The following GNPDA2 variants were observed in gnomAD, a reference collection of about 807,000 sequenced individuals.
GNPDA2 encodes glcN6P deaminase 2.
GNPDA2 carries 24 observed loss-of-function variants against 27.0 expected under a neutral mutation model. That is an observed-to-expected ratio of 0.89 (90% CI 0.64 to 1.25). The LOEUF is 1.25. GNPDA2 is among the 50% of genes most tolerant of loss of function. The probability of loss-of-function intolerance (pLI) is 0.00; values close to 1 mark genes in which losing one functional copy is unlikely to be tolerated. For missense variants in GNPDA2, 286 were observed against 335.1 expected, an observed-to-expected ratio of 0.85 and a Z score of 1.14; for synonymous variants, 94 against 108.4, an observed-to-expected ratio of 0.87 and a Z score of 0.83.
intron 4 of GNPDA2, among the ~76,000 whole-genome samples, chr4:44,713,821 A>G (rs1717118279): frequency 6.6e-6 from 1 of 152,196 alleles, no homozygotes; most frequent in African/African-American, 2.4e-5. Flanking sequence ...TGGAGGTTGC[A>G]GTAAGCCAAG....
At chr4:44,705,891 A>G (rs1423286927) in intron 6 of GNPDA2, 1 of 151,986 alleles carries the variant, frequency 6.6e-6, no homozygotes, top group Non-Finnish European at 1.5e-5. Flanking sequence ...TAAGTAAATC[A>G]ATAAGTAAAA....
At chr4:44,717,048 T>C in intron 4 of GNPDA2, 65 bp downstream of exon 4, 1 of 1,188,868 alleles carries the variant, frequency 8.4e-7, no homozygotes, top group South Asian at 1.4e-5. Flanking sequence ...AGATTTATTT[T>C]TTAAATTTAA....
intron 2 of GNPDA2, among the ~76,000 whole-genome samples, chr4:44,720,851 C>T (rs1226898542): frequency 1.3e-5 from 2 of 152,000 alleles, no homozygotes; most frequent in African/African-American, 4.8e-5. Context: ...ATGTTTAGCA[C>T]TGCTGACATT....
At chr4:44,722,688 A>G (rs1717755464) in intron 1 of GNPDA2, among the ~76,000 whole-genome samples, 1 of 152,164 alleles carries the variant, frequency 6.6e-6, no homozygotes, top group Non-Finnish European at 1.5e-5. Context: ...ATATGGGAGT[A>G]TGGGTGCAGG....
At position 44,703,122 on chromosome 4, in the gene GNPDA2, T is replaced by C; in HGVS notation, c.790A>G (p.Lys264Glu). 1.3e-5 allele frequency: 21 copies of C among 1,611,766 alleles called. No individual in the cohort carries two copies. Among genetic ancestry groups the C allele is most frequent in the Non-Finnish European group, 1.8e-5 (21 of 1,178,982 alleles). ...ATACTGAATAGTGGATCCACAAGTT[T>C]ATTGTGCACATGCATTAGACCTTAA... ...YFKGLMHVHN[K>E]LVDPLFSMKD... Residue 264 changes from lysine to glutamate, a missense_variant, in exon 7 of 7, where the codon AAA (lysine) becomes GAA (glutamate). By Grantham distance (56) the Lys-to-Glu change is moderately conservative (BLOSUM62 1). Coordinates refer to ENST00000295448, the MANE Select transcript of GNPDA2 (RefSeq NM_138335.3).
intron 2 of GNPDA2, among the ~76,000 whole-genome samples, chr4:44,718,674 A>G (rs745376903): frequency 1.3e-5 from 2 of 151,934 alleles, no homozygotes; most frequent in Non-Finnish European, 2.9e-5. Context: ...GGGATATACT[A>G]TAACAAATTC....
At chr4:44,714,049 A>G (rs1411586483) in intron 4 of GNPDA2, among the ~76,000 whole-genome samples, 1 of 152,008 alleles carries the variant, frequency 6.6e-6, no homozygotes, top group Admixed American at 6.6e-5. Flanking sequence ...TCAGCTCACC[A>G]CAACCTCGGC....
intron 1 of GNPDA2, among the ~76,000 whole-genome samples, chr4:44,726,074 A>C (rs1717998261): frequency 6.6e-6 from 1 of 152,160 alleles, no homozygotes; most frequent in Non-Finnish European, 1.5e-5. Flanking sequence ...GAGAGACAGC[A>C]AAGAAGGCTG....
chr4:44,702,686 ATAGT>A lies in GNPDA2; in HGVS notation c.*391_*394del, dbSNP rs1716350922. 2 of 1,032,524 alleles carry A rather than the reference ATAGT, an allele frequency of 1.9e-6. No homozygotes were observed. The highest frequency in any genetic ancestry group is 1.2e-6 in the Non-Finnish European group (1 of 861,448). 64.0% of individuals were successfully genotyped at this position (1,032,524 alleles called of 1,614,324 possible). A position where few individuals can be genotyped will look rare whatever the true frequency, so the allele number is the denominator to read the frequency against. On this transcript the variant is annotated 3_prime_UTR_variant, in exon 7 of 7. Transcript: ENST00000295448. ...ATTCCAAAAGTGAAGGTCTGCAATG[ATAGT>A]TTGTTATCTGAAAGGTTTGGAGTGT...
rs768873371 is a variant in GNPDA2, at chr4:44,717,096, A to C, written c.409+17T>G. 4.5e-6 allele frequency: 7 copies of C among 1,566,022 alleles called. No individual in the cohort carries two copies. In the Admixed American group the frequency reaches 5.4e-5, roughly 12 times the overall value. ...CAAACACTAACAAACAGTTAATGAC[A>C]AAAGGTTTTTACATACCTCCAACAA... is the stretch of plus-strand genomic sequence containing the variant. On this transcript the variant is annotated intron_variant, in intron 4 of 6. Transcript: ENST00000295448.
Position 44,702,847 on chromosome 4 carries a change from A to G in GNPDA2, c.*234T>C. 7.4e-7 allele frequency: 1 copy of G among 1,347,412 alleles called. No individual in the cohort carries two copies. The highest frequency in any genetic ancestry group is 9.5e-7 in the Non-Finnish European group (1 of 1,055,980). The allele number at this position is 1,347,412 out of a possible 1,614,324, so 83.5% of individuals were successfully genotyped here. A position where few individuals can be genotyped will look rare whatever the true frequency, so the allele number is the denominator to read the frequency against. On this transcript the variant is annotated 3_prime_UTR_variant, in exon 7 of 7. Transcript: ENST00000295448. ...ATGCTGTTTTATAGGTGGCTATGTG[A>G]CTTCAGTACTTTATAATAAATAGCC...
rs749306588 is a variant in GNPDA2, at chr4:44,718,391, G to C, written c.144C>G (p.Cys48Trp). 3.7e-6 allele frequency: 5 copies of C among 1,333,800 alleles called. No homozygotes were observed. The East Asian group carries it at 1.3e-4, about 33-fold the overall frequency. The allele number at this position is 1,333,800 out of a possible 1,614,324, so 82.6% of individuals were successfully genotyped here. ...TATGATATTCTATTAGTTTTTTATA[G>C]CATCCTAAAGGTGTACTCCCTAAAA... ...GLPTGSTPLG[C>W]YKKLIEYHKN... The change falls in exon 3 of 7, where the codon TGC becomes TGG. Residue 48 changes from cysteine to tryptophan, a missense_variant. Physicochemically the swap from Cys to Trp is radical, Grantham distance 215. Transcript: ENST00000295448.
At position 44,709,800 on chromosome 4, in the gene GNPDA2, C is replaced by CAA. The variant is rs36001584; in HGVS notation, c.594+1151_594+1152dup. Among the ~76,000 whole-genome samples the CAA allele has an allele frequency of 8.7e-3, 1,258 of 145,406 alleles. 16 individuals are homozygous for CAA. The highest frequency in any genetic ancestry group is 0.029 in the African/African-American group (1,128 of 38,980). On this transcript the variant is annotated intron_variant, in intron 5 of 6. Coordinates refer to ENST00000295448, the MANE Select transcript of GNPDA2 (RefSeq NM_138335.3). The stretch of plus-strand genomic sequence containing the variant: ...CAACACAGTGAGACCTTGTCACTTC[C>CAA]AAAAAAAAAAAAATGAAAAATTGAA...
At chr4:44,722,881 C>T (rs917926156) in intron 1 of GNPDA2, among the ~76,000 whole-genome samples, 5 of 152,082 alleles carry the variant, frequency 3.3e-5, no homozygotes, top group Non-Finnish European at 7.4e-5. Flanking sequence ...AATGGACTCA[C>T]ATAATTTGAC....
chr4:44,718,269 C>A, intron 3 of GNPDA2, 40 bp downstream of exon 3: 1 of 769,834 alleles, frequency 1.3e-6, no homozygotes, highest in African/African-American at 1.8e-5. Context: ...CCAAATATAA[C>A]ATACCCAAAT....
intron 4 of GNPDA2, among the ~76,000 whole-genome samples, chr4:44,711,905 C>G (rs915996645): frequency 6.6e-6 from 1 of 151,110 alleles, no homozygotes; most frequent in African/African-American, 2.4e-5. Flanking sequence ...TTACTAGGAA[C>G]CATACAAGCT....
At chr4:44,704,713 A>T in intron 6 of GNPDA2, 1 of 980,134 alleles carries the variant, frequency 1.0e-6, no homozygotes. Context: ...AATGCACCAG[A>T]CTTCCTGAAA....
rs188449619 is a variant in GNPDA2, at chr4:44,723,548, C to T, written c.-35-1306G>A. ...CACTTAAGATGATGGCCTCCAGTTACTGCAAAGGACATGATTTCATTTTCA... is the reference window on the plus strand; with the variant it reads ...CACTTAAGATGATGGCCTCCAGTTATTGCAAAGGACATGATTTCATTTTCA... On this transcript the variant is annotated intron_variant, in intron 1 of 6. Transcript: ENST00000295448. Among the ~76,000 whole-genome samples, 303 of 152,234 alleles carry T rather than the reference C, an allele frequency of 2.0e-3. 3 individuals carry two copies. Among genetic ancestry groups the T allele is most frequent in the Non-Finnish European group, 1.9e-3 (128 of 68,024 alleles).
In GNPDA2 at chr4:44,704,643, G is replaced by A. The variant is rs762842049; in HGVS notation, c.770-1501C>T. The A allele has an allele frequency of 2.3e-4, 202 of 882,104 alleles. 1 individual carries two copies. Among genetic ancestry groups the A allele is most frequent in the Non-Finnish European group, 2.6e-4 (189 of 736,182 alleles). 54.6% of individuals were successfully genotyped at this position (882,104 alleles called of 1,614,324 possible). A position where few individuals can be genotyped will look rare whatever the true frequency, so the allele number is the denominator to read the frequency against. On this transcript the variant is annotated intron_variant, in intron 6 of 6. Coordinates refer to ENST00000295448, the MANE Select transcript of GNPDA2 (RefSeq NM_138335.3). ...TAAAAACTGACAACTTTCTACATACGAATTTTATATAAATAAATAATTGCT... is the reference window on the plus strand; with the variant it reads ...TAAAAACTGACAACTTTCTACATACAAATTTTATATAAATAAATAATTGCT...
Sources: gnomAD v4.1 joint callset for allele counts (sites outside exome capture counted in the v4.1 genomes callset) on GRCh38, gnomAD v4.1.1 for gene constraint, MANE v1.5 for transcripts, NCBI Gene and HGNC (gene_info 2026-07-23, HGNC 2026-07-21) for gene names.